Variants in ATP13A4 observed in about 807,000 individuals in gnomAD.
The protein encoded by ATP13A4 is probable cation-transporting ATPase 13A4.
ATP13A4 carries 114 observed loss-of-function variants against 142.5 expected under a neutral mutation model. The observed-to-expected ratio is 0.80, with a 90% CI of 0.69 to 0.93. ATP13A4 has a LOEUF of 0.93. Ranked by LOEUF, ATP13A4 falls within the 40% of genes least tolerant of loss-of-function variation. The pLI is 0.00. For synonymous variants in ATP13A4, 488 were observed against 514.8 expected (o/e 0.95, Z 0.70); for missense variants, 1,392 against 1,454.0 (o/e 0.96, Z 0.69).
At chr3:193,403,836 C>G (rs914643867) in intron 29 of ATP13A4, 1 of 984,988 alleles carries the variant, frequency 1.0e-6, no homozygotes, top group Non-Finnish European at 1.2e-6. Flanking sequence ...TGAAACTGTC[C>G]CACAGAATTA....
At chr3:193,452,981 T>C (rs2108632593) in intron 17 of ATP13A4, among the ~76,000 whole-genome samples, 1 of 152,174 alleles carries the variant, frequency 6.6e-6, no homozygotes, top group South Asian at 2.1e-4. Flanking sequence ...CAAGACTTGT[T>C]AACCACTTCA....
chr3:193,434,652 A>G (rs1716162433), intron 24 of ATP13A4, among the ~76,000 whole-genome samples: 2 of 152,226 alleles, frequency 1.3e-5, no homozygotes, highest in East Asian at 3.8e-4. Flanking sequence ...TTAACCCAGG[A>G]AAAAGAAGGC....
At chr3:193,556,977 A>C (rs567405847), upstream of ATP13A4, among the ~76,000 whole-genome samples, 9 of 152,292 alleles carry the variant, frequency 5.9e-5, no homozygotes, top group South Asian at 1.9e-3. Context: ...AGAAAGAAGT[A>C]ATTCATTCTC....
chr3:193,424,321 G>GA (rs35462615), intron 25 of ATP13A4, among the ~76,000 whole-genome samples: 104,152 of 147,022 alleles, frequency 0.71, 38,526 homozygotes, highest in Non-Finnish European at 0.76. Context: ...CACAGAAATA[G>GA]AAAAAAAAAT....
chr3:193,483,908 C>T (rs1560221491), intron 8 of ATP13A4, 28 bp downstream of exon 8: 1 of 1,472,164 alleles, frequency 6.8e-7, no homozygotes. Context: ...ATGTGAATAG[C>T]ATATAGATCT....
intron 8 of ATP13A4, among the ~76,000 whole-genome samples, chr3:193,480,962 A>G (rs1719257259): frequency 6.6e-6 from 1 of 152,214 alleles, no homozygotes; most frequent in South Asian, 2.1e-4. Flanking sequence ...AAATGAAATA[A>G]TGGCATTTGC....
At chr3:193,578,453 T>C (rs1378344819) in intron 2 of ATP13A4, among the ~76,000 whole-genome samples, 1 of 152,278 alleles carries the variant, frequency 6.6e-6, no homozygotes, top group East Asian at 1.9e-4. Flanking sequence ...TCTCTCAGTA[T>C]GAAAAATAAA....
chr3:193,510,740 A>G (rs1051059530), intron 2 of ATP13A4, among the ~76,000 whole-genome samples: 17 of 152,160 alleles, frequency 1.1e-4, no homozygotes, highest in African/African-American at 2.9e-4. Context: ...TTTAATGTCA[A>G]GAAATGACTG....
At chr3:193,471,546 C>G (rs75625155) in intron 8 of ATP13A4, among the ~76,000 whole-genome samples, 5,812 of 151,810 alleles carry the variant, frequency 0.038, 183 homozygotes, top group Admixed American at 0.062. Flanking sequence ...CGTGCCACTG[C>G]ACTCCAGCCT....
intron 11 of ATP13A4, 149 bp downstream of exon 11, chr3:193,465,876 T>C (rs553403328): frequency 9.9e-5 from 84 of 852,632 alleles, no homozygotes; most frequent in Middle Eastern, 6.2e-4. Flanking sequence ...AATTGCTGAC[T>C]GGGATCTGGA....
Position 193,493,161 on chromosome 3 carries a change from C to T in ATP13A4, c.382-1G>A. The T allele has an allele frequency of 6.2e-7, 1 of 1,611,964 alleles. No individual in the cohort carries two copies. The highest frequency in any genetic ancestry group is 8.5e-7 in the Non-Finnish European group (1 of 1,179,362). ...TTTTCTGCACTTTGATGCATCTCAC[C>T]TGCAAAAGAAAAGTACTAAGAAAAC... On this transcript the variant is annotated splice_acceptor_variant, in intron 3 of 29. Coordinates refer to ENST00000342695, the MANE Select transcript of ATP13A4 (RefSeq NM_032279.4). LOFTEE classifies it high-confidence loss of function.
chr3:193,450,753 A>G (rs1199143737), intron 17 of ATP13A4, among the ~76,000 whole-genome samples: 1 of 152,162 alleles, frequency 6.6e-6, no homozygotes, highest in Non-Finnish European at 1.5e-5. Flanking sequence ...GCCGTGGCCA[A>G]CCCGGAGATC....
intron 11 of ATP13A4, among the ~76,000 whole-genome samples, chr3:193,465,393 G>C (rs1303443146): frequency 2.0e-5 from 3 of 152,102 alleles, no homozygotes; most frequent in Non-Finnish European, 4.4e-5. Flanking sequence ...TTGCCATGTT[G>C]GCCAGGCTGG....
At chr3:193,498,668 T>G (rs999228956) in intron 3 of ATP13A4, among the ~76,000 whole-genome samples, 1 of 152,224 alleles carries the variant, frequency 6.6e-6, no homozygotes, top group Non-Finnish European at 1.5e-5. Context: ...ATAATTTTCC[T>G]CACATAATTT....
chr3:193,500,867 A>T (rs995118124), intron 3 of ATP13A4, among the ~76,000 whole-genome samples: 3 of 152,238 alleles, frequency 2.0e-5, no homozygotes, highest in African/African-American at 7.2e-5. Context: ...AGCATAGCTC[A>T]TTGAAGTTCA....
intron 1 of ATP13A4, among the ~76,000 whole-genome samples, chr3:193,588,946 C>T (rs2108750152): frequency 6.6e-6 from 1 of 152,138 alleles, no homozygotes; most frequent in South Asian, 2.1e-4. Flanking sequence ...TTGAAACCAG[C>T]CTGGCCAAAA....
At chr3:193,509,668 T>C (rs1460513324) in intron 2 of ATP13A4, among the ~76,000 whole-genome samples, 1 of 152,128 alleles carries the variant, frequency 6.6e-6, no homozygotes, top group Non-Finnish European at 1.5e-5. Flanking sequence ...CGGTCACAAA[T>C]GAAAACACAG....
intron 3 of ATP13A4, among the ~76,000 whole-genome samples, chr3:193,494,419 A>T (rs1720113852): frequency 6.6e-6 from 1 of 152,000 alleles, no homozygotes; most frequent in Non-Finnish European, 1.5e-5. Context: ...CATATCAAGT[A>T]TTTTTTTCTG....
Position 193,420,109 on chromosome 3 carries a change from C to T in ATP13A4, c.2843-5359G>A, listed in dbSNP as rs1176325499. ...TCTCTCCAAGGAGAAAAATCCTGAA[C>T]CTAGGAGCCTAGCTTCACAGCCTCT... is the stretch of plus-strand genomic sequence containing the variant. On this transcript the variant is annotated intron_variant, in intron 25 of 29. Transcript: ENST00000342695. 2.0e-5 allele frequency among the ~76,000 whole-genome samples: 3 copies of T among 149,906 alleles called. 1 individual carries two copies. The highest frequency in any genetic ancestry group is 6.9e-5 in the Admixed American group (1 of 14,552).
Sources: gnomAD v4.1 joint callset for allele counts (sites outside exome capture counted in the v4.1 genomes callset) on GRCh38, gnomAD v4.1.1 for gene constraint, MANE v1.5 for transcripts, NCBI Gene and HGNC (gene_info 2026-07-23, HGNC 2026-07-21) for gene names.